The following CHN1 variants were observed in gnomAD, a reference collection of about 807,000 sequenced individuals.
CHN1 encodes chimerin 1.
Under a neutral mutation model 59.5 loss-of-function variants are expected in CHN1, and 37 were observed. The ratio of observed to expected loss-of-function variants is 0.62; its 90% CI spans 0.48 to 0.82. CHN1 has a LOEUF of 0.82. Ranked by LOEUF, CHN1 falls within the 40% of genes least tolerant of loss-of-function variation. The pLI, the probability that CHN1 is intolerant of heterozygous loss-of-function variation, is 0.00. For missense variants in CHN1, 469 were observed against 571.0 expected (o/e 0.82, Z 1.82); for synonymous variants, 206 against 200.4 (o/e 1.03, Z -0.24).
intron 1 of CHN1, among the ~76,000 whole-genome samples, chr2:174,996,800 C>T (rs759149138): frequency 6.6e-6 from 1 of 152,170 alleles, no homozygotes; most frequent in Non-Finnish European, 1.5e-5. Context: ...GACTCCACTC[C>T]AGCCATGCTG....
chr2:174,842,516 C>G (rs1686348991), intron 7 of CHN1, among the ~76,000 whole-genome samples: 2 of 152,094 alleles, frequency 1.3e-5, no homozygotes, highest in Admixed American at 1.3e-4. Flanking sequence ...AACCCTTAGA[C>G]CATGTGGTTT....
intron 8 of CHN1, among the ~76,000 whole-genome samples, chr2:174,816,508 GA>G (rs1318291946): frequency 6.6e-6 from 1 of 152,204 alleles, no homozygotes; most frequent in Non-Finnish European, 1.5e-5. Context: ...GCGTTAGCTA[GA>G]AAGAGCAGCC....
chr2:174,919,424 C>T (rs1574164605), intron 3 of CHN1, among the ~76,000 whole-genome samples: 1 of 96,628 alleles, frequency 1.0e-5, no homozygotes, highest in African/African-American at 4.6e-5. Context: ...TCCGACTGTT[C>T]ATAGGAACAG....
intron 7 of CHN1, among the ~76,000 whole-genome samples, chr2:174,836,241 C>T (rs1686073356): frequency 6.6e-6 from 1 of 152,160 alleles, no homozygotes; most frequent in Non-Finnish European, 1.5e-5. Flanking sequence ...TTTCAGTTGT[C>T]ACAGTTCTAT....
chr2:174,837,223 AC>A (rs1232181796), intron 7 of CHN1: 1 of 152,114 alleles, frequency 6.6e-6, no homozygotes, highest in Non-Finnish European at 1.5e-5. Flanking sequence ...AAATTAGCAC[AC>A]CCCCTAGAGA....
chr2:174,852,338 A>G (rs1376246768), intron 6 of CHN1, among the ~76,000 whole-genome samples: 1 of 152,150 alleles, frequency 6.6e-6, no homozygotes, highest in African/African-American at 2.4e-5. Flanking sequence ...AAGTAGCCAC[A>G]AAGAAAATAA....
chr2:174,890,901 G>A (rs1688023231), intron 5 of CHN1, among the ~76,000 whole-genome samples: 1 of 151,928 alleles, frequency 6.6e-6, no homozygotes, highest in African/African-American at 2.4e-5. Flanking sequence ...TCACAATGAA[G>A]TGAAACCAGA....
At chr2:174,906,218 GT>G (rs1469364534) in intron 5 of CHN1, among the ~76,000 whole-genome samples, 2 of 152,034 alleles carry the variant, frequency 1.3e-5, no homozygotes, top group African/African-American at 4.8e-5. Context: ...TAGCCAAAAA[GT>G]AGAAACAACT....
chr2:174,806,666 T>A (rs1176095698), intron 11 of CHN1, among the ~76,000 whole-genome samples: 1 of 152,120 alleles, frequency 6.6e-6, no homozygotes, highest in Non-Finnish European at 1.5e-5. Flanking sequence ...TTACTGATAC[T>A]CCATCACATC....
chr2:174,840,243 A>C (rs1174910994), intron 7 of CHN1, among the ~76,000 whole-genome samples: 1 of 132,178 alleles, frequency 7.6e-6, no homozygotes, highest in East Asian at 2.2e-4. Flanking sequence ...TTCACAGCTC[A>C]CTGCAACCTC....
At chr2:174,932,756 G>C (rs1689387751) in intron 3 of CHN1, among the ~76,000 whole-genome samples, 1 of 151,834 alleles carries the variant, frequency 6.6e-6, no homozygotes, top group African/African-American at 2.4e-5. Context: ...CCTGCCCTCT[G>C]TCTTCCTCCT....
intron 6 of CHN1, among the ~76,000 whole-genome samples, chr2:174,856,904 C>T (rs1441049601): frequency 2.0e-5 from 3 of 152,122 alleles, no homozygotes; most frequent in African/African-American, 7.2e-5. Context: ...GGCAAATTTA[C>T]AATGGGCTTT....
intron 8 of CHN1, among the ~76,000 whole-genome samples, chr2:174,821,575 T>C (rs1218307700): frequency 6.6e-6 from 1 of 152,208 alleles, no homozygotes; most frequent in Non-Finnish European, 1.5e-5. Flanking sequence ...CCCCTGTGAA[T>C]GGGATTAGGC....
chr2:174,899,437 C>G (rs1364244909), intron 5 of CHN1, among the ~76,000 whole-genome samples: 2 of 152,194 alleles, frequency 1.3e-5, no homozygotes, highest in Non-Finnish European at 2.9e-5. Flanking sequence ...AAGATGGTAG[C>G]AGTAACAGAC....
At chr2:174,937,676 A>G (rs1689538011) in intron 3 of CHN1, among the ~76,000 whole-genome samples, 1 of 151,610 alleles carries the variant, frequency 6.6e-6, no homozygotes, top group East Asian at 1.9e-4. Flanking sequence ...TTTCAGTCAC[A>G]GGAGCGGATC....
At chr2:174,801,148 C>T (rs1684707248) in intron 12 of CHN1, among the ~76,000 whole-genome samples, 1 of 152,194 alleles carries the variant, frequency 6.6e-6, no homozygotes, top group Non-Finnish European at 1.5e-5. Context: ...GCATGACTAT[C>T]GCCTGAAAAC....
At chr2:174,984,611 C>T (rs1189922801) in intron 1 of CHN1, among the ~76,000 whole-genome samples, 2 of 152,266 alleles carry the variant, frequency 1.3e-5, no homozygotes, top group Non-Finnish European at 2.9e-5. Flanking sequence ...TTGTGATCTG[C>T]CTGCCTTGGC....
chr2:174,802,391 A>G (rs1386017660), intron 11 of CHN1, among the ~76,000 whole-genome samples: 1 of 152,232 alleles, frequency 6.6e-6, no homozygotes, highest in African/African-American at 2.4e-5. Flanking sequence ...TTTGTTTTAT[A>G]TAAAAAAATC....
intron 8 of CHN1, among the ~76,000 whole-genome samples, chr2:174,822,299 A>G (rs566741451): frequency 6.6e-6 from 1 of 152,316 alleles, no homozygotes; most frequent in South Asian, 2.1e-4. Flanking sequence ...TAAGAGGTAG[A>G]GGCTATTAAT....
Sources: allele counts gnomAD v4.1 joint callset (sites outside exome capture counted in the v4.1 genomes callset), GRCh38; gene constraint gnomAD v4.1.1; transcripts MANE v1.5; gene names NCBI Gene and HGNC (gene_info 2026-07-23, HGNC 2026-07-21).